The following GREB1 variants were observed in gnomAD, a reference collection of about 807,000 sequenced individuals.
GREB1 encodes the protein growth regulating estrogen receptor binding 1.
In GREB1, 106 loss-of-function variants were observed where a neutral mutation model predicts 200.7. The observed-to-expected ratio is 0.53, with a 90% CI of 0.45 to 0.62. The LOEUF (loss-of-function observed/expected upper bound fraction) is 0.62, where lower values mean the gene tolerates loss of function less well. Among genes scored for constraint, GREB1 ranks in the 20% least tolerant of loss-of-function variants. The pLI is 0.00. For missense variants in GREB1, 2,243 were observed against 2,556.8 expected (o/e 0.88, Z 2.65); for synonymous variants, 1,132 against 1,092.4 (o/e 1.04, Z -0.72).
At chr2:11,550,630 A>G (rs933291029) in intron 1 of GREB1, among the ~76,000 whole-genome samples, 1 of 152,188 alleles carries the variant, frequency 6.6e-6, no homozygotes, top group African/African-American at 2.4e-5. Flanking sequence ...GGTTCTGTGC[A>G]TTTGAATCAG....
At chr2:11,505,267 G>A (rs1347887596) in intron 1 of GREB1, among the ~76,000 whole-genome samples, 1 of 152,078 alleles carries the variant, frequency 6.6e-6, no homozygotes, top group Non-Finnish European at 1.5e-5. Flanking sequence ...GGACTGCGGC[G>A]AGGGGAGTGT....
At chr2:11,488,375 C>A (rs957249178) in intron 1 of GREB1, among the ~76,000 whole-genome samples, 1 of 152,174 alleles carries the variant, frequency 6.6e-6, no homozygotes, top group African/African-American at 2.4e-5. Context: ...TTGCTTGCAG[C>A]TCTGTAAGTC....
intron 7 of GREB1, chr2:11,584,933 C>T (rs781469379): frequency 1.0e-5 from 4 of 389,774 alleles, no homozygotes; most frequent in Non-Finnish European, 1.8e-5. Flanking sequence ...TGGAGGACCA[C>T]CAGGTTGCCT....
chr2:11,577,146 A>C (rs1678946769), intron 5 of GREB1, among the ~76,000 whole-genome samples: 1 of 152,118 alleles, frequency 6.6e-6, no homozygotes, highest in Non-Finnish European at 1.5e-5. Flanking sequence ...CCCCAGATTG[A>C]GTGGTTCATC....
rs983039448 is a variant in GREB1, at chr2:11,601,318, C to T, written c.2529+323C>T. Among the ~76,000 whole-genome samples the T allele has an allele frequency of 4.4e-4, 67 of 152,278 alleles. 1 individual carries two copies. The highest frequency in any genetic ancestry group is 2.0e-4 in the Admixed American group (3 of 15,296). On this transcript the variant is annotated intron_variant, in intron 16 of 32. Coordinates refer to ENST00000381486, the MANE Select transcript of GREB1 (RefSeq NM_014668.4). ...AGATATTGAAGGTAGAGCCCTTAGG[C>T]GCTGGGGGCTTTGGGCTCCATACAG...
In GREB1 at chr2:11,583,715, C is replaced by T. The variant is rs1477657691; in HGVS notation, c.902-1446C>T. 7.2e-5 allele frequency among the ~76,000 whole-genome samples: 11 copies of T among 152,026 alleles called. No homozygotes were observed. The East Asian group carries it at 1.4e-3, about 19-fold the overall frequency. ...CTCTACTAAAAATACAAAAATTGGC[C>T]GGGTGTGGTGGTGCGCGCTTGTAAT... On this transcript the variant is annotated intron_variant, in intron 7 of 32. Coordinates refer to ENST00000381486, the MANE Select transcript of GREB1 (RefSeq NM_014668.4).
rs1271214285 is a variant in GREB1 at position 11,520,544 on chromosome 2, C to G, written c.-158-35913C>G. On this transcript the variant is annotated intron_variant, in intron 1 of 2. Coordinates refer to the GREB1 transcript ENST00000628795. The stretch of plus-strand genomic sequence containing the variant: ...ACATTTCTTGGCTGGAGCTTCCTTT[C>G]TTCTACCTTCAAAGCCAACAGGGTT... Among the ~76,000 whole-genome samples the G allele has an allele frequency of 3.3e-5, 5 of 152,332 alleles. No homozygotes were observed. In the East Asian group the frequency reaches 5.8e-4, roughly 18 times the overall value.
At position 11,556,754 on chromosome 2, in the gene GREB1, A is replaced by G. The variant is rs142855686; in HGVS notation, c.140A>G (p.Gln47Arg). ...FSQLYLEAEQ[Q>R]LAALEGGSRV... ...CAGCTGTACCTGGAAGCTGAGCAGC[A>G]GCTTGCCGCTCTAGAAGGTGGGAGA... Residue 47 changes from glutamine (Q) to arginine (R), a missense_variant, in exon 2 of 33, where the codon CAG (glutamine) becomes CGG (arginine). By Grantham distance (43) the Gln-to-Arg change is conservative. Transcript: ENST00000381486. The G allele has an allele frequency of 5.6e-6, 9 of 1,613,966 alleles. No individual in the cohort carries two copies. The African/African-American group carries it at 1.2e-4, about 22-fold the overall frequency.
In GREB1 at chr2:11,578,447, C is replaced by T; in HGVS notation, c.772+16C>T. The T allele has an allele frequency of 1.9e-6, 3 of 1,612,396 alleles. No homozygotes were observed. The highest frequency in any genetic ancestry group is 2.5e-6 in the Non-Finnish European group (3 of 1,179,246). ...CAGCAGGCAGGTGAGGTGGTGGAGA[C>T]ACACCAGAGCTGCTAAACCCACAGA... On this transcript the variant is annotated intron_variant, in intron 6 of 32. Transcript: ENST00000381486.
rs1049696535 is a variant in GREB1, at chr2:11,598,956, G to A, written c.2333+96G>A. The A allele has an allele frequency of 3.1e-5, 32 of 1,022,834 alleles. No homozygotes were observed. The Admixed American group carries it at 3.7e-4, about 12-fold the overall frequency. The allele number at this position is 1,022,834 out of a possible 1,614,324, so 63.4% of individuals were successfully genotyped here. ...GGGCTGAGGGTACAAATCCTGAAAAGATGGATGATGTTTGGGCTTGGTGTT... is the reference window on the plus strand; with the variant it reads ...GGGCTGAGGGTACAAATCCTGAAAAAATGGATGATGTTTGGGCTTGGTGTT... On this transcript the variant is annotated intron_variant, in intron 15 of 32. Transcript: ENST00000381486.
intron 1 of GREB1, among the ~76,000 whole-genome samples, chr2:11,484,370 T>G (rs1672594267): frequency 6.6e-6 from 1 of 152,008 alleles, no homozygotes; most frequent in South Asian, 2.1e-4. Context: ...AAGTTTGCAG[T>G]GTTATCTGTG....
At chr2:11,590,911 C>G (rs1680661173) in intron 10 of GREB1, among the ~76,000 whole-genome samples, 1 of 152,112 alleles carries the variant, frequency 6.6e-6, no homozygotes. Context: ...GCCAGTGTGG[C>G]CGGGAGTTGA....
In GREB1 at chr2:11,598,761, A is replaced by G; in HGVS notation, c.2234A>G (p.Glu745Gly). 6.2e-7 allele frequency: 1 copy of G among 1,614,124 alleles called. No individual in the cohort carries two copies. Among genetic ancestry groups the G allele is most frequent in the Non-Finnish European group, 8.5e-7 (1 of 1,179,940 alleles). ...CAGTATGTTCTGAAGCTAGACACGG[A>G]GGCACAGACAAAATTTAAGGCTTTT... ...VEQYVLKLDT[E>G]AQTKFKAFLQ... is the part of the protein sequence containing the mutation. The change falls in exon 15 of 33, where the codon GAG (glutamate) becomes GGG (glycine). Residue 745 changes from glutamate (E) to glycine (G), a missense_variant. By Grantham distance (98) the Glu-to-Gly change is moderately conservative. Transcript: ENST00000381486.
intron 1 of GREB1, among the ~76,000 whole-genome samples, chr2:11,512,182 G>A (rs1673370501): frequency 6.6e-6 from 1 of 152,200 alleles, no homozygotes; most frequent in Non-Finnish European, 1.5e-5. Flanking sequence ...CATTGACAAT[G>A]TTGTGCCACC....
At chr2:11,485,619 A>G (rs537982258) in intron 1 of GREB1, among the ~76,000 whole-genome samples, 2 of 152,278 alleles carry the variant, frequency 1.3e-5, no homozygotes, top group African/African-American at 2.4e-5. Flanking sequence ...GTCACTTTCA[A>G]TAGGAGAGAT....
chr2:11,546,475 G>C (rs1675290640), intron 1 of GREB1, among the ~76,000 whole-genome samples: 1 of 152,094 alleles, frequency 6.6e-6, no homozygotes, highest in African/African-American at 2.4e-5. Flanking sequence ...TGCATGCATG[G>C]ACCACAGTAT....
At chr2:11,517,505 G>GA (rs34525580) in intron 1 of GREB1, 62,205 of 148,654 alleles carry the variant, frequency 0.42, 15,696 homozygotes, top group East Asian at 0.65. Context: ...CTGTAGACTT[G>GA]AAAAAAAAAA....
intron 1 of GREB1, among the ~76,000 whole-genome samples, chr2:11,495,795 C>CTTTTTTTTTTTTTTTT (rs1393933225): frequency 7.1e-6 from 1 of 140,470 alleles, no homozygotes; most frequent in African/African-American, 2.7e-5. Flanking sequence ...TAAGTCCCCC[C>CTTTTTTTTTTTTTTTT]GTTTTTTTTT....
Position 11,593,135 on chromosome 2 carries a change from T to G in GREB1, c.1696+9T>G, listed in dbSNP as rs1437951463. On this transcript the variant is annotated intron_variant, in intron 11 of 32. Transcript: ENST00000381486. ...CTGCATCGCCGTCACCGGTGAGCTC[T>G]GGGCCGCGCGGCTGCGGGAAAGCCC... 2.6e-6 allele frequency: 4 copies of G among 1,561,504 alleles called. No homozygotes were observed. The highest frequency in any genetic ancestry group is 3.5e-6 in the Non-Finnish European group (4 of 1,147,782).
Sources: allele counts gnomAD v4.1 joint callset (sites outside exome capture counted in the v4.1 genomes callset), GRCh38; gene constraint gnomAD v4.1.1; transcripts MANE v1.5; gene names NCBI Gene and HGNC (gene_info 2026-07-23, HGNC 2026-07-21).